The following LRP1B variants were observed in gnomAD, a reference collection of about 807,000 sequenced individuals.
LRP1B encodes low-density lipoprotein receptor-related protein 1B.
Under a neutral mutation model 556.6 loss-of-function variants are expected in LRP1B, and 217 were observed. That is an observed-to-expected ratio of 0.39 (90% CI 0.35 to 0.44). The LOEUF (loss-of-function observed/expected upper bound fraction) is 0.44. Ranked by LOEUF, LRP1B falls within the 20% of genes least tolerant of loss-of-function variation. The pLI is 1.00. For missense variants in LRP1B, 5,053 were observed against 5,620.8 expected, an observed-to-expected ratio of 0.90 and a Z score of 3.23; for synonymous variants, 2,047 against 1,865.8, an observed-to-expected ratio of 1.10 and a Z score of -2.50.
chr2:141,869,405 T>C (rs554057509), intron 1 of LRP1B, among the ~76,000 whole-genome samples: 1 of 152,196 alleles, frequency 6.6e-6, no homozygotes, highest in African/African-American at 2.4e-5. Context: ...TAATATTATA[T>C]ATTCTCAAAG....
chr2:141,145,503 ACTGTTTTT>A (rs1558891077), intron 7 of LRP1B, among the ~76,000 whole-genome samples: 1 of 151,118 alleles, frequency 6.6e-6, no homozygotes, highest in Non-Finnish European at 1.5e-5. Flanking sequence ...GTCATAAAAT[ACTGTTTTT>A]CTAAGTTTTA....
At chr2:141,593,252 A>T (rs889363997) in intron 2 of LRP1B, among the ~76,000 whole-genome samples, 1 of 152,202 alleles carries the variant, frequency 6.6e-6, no homozygotes, top group African/African-American at 2.4e-5. Flanking sequence ...CATGAAAGAT[A>T]AACAGCTTCA....
At chr2:141,915,032 A>C (rs1180323825) in intron 1 of LRP1B, among the ~76,000 whole-genome samples, 2 of 152,172 alleles carry the variant, frequency 1.3e-5, no homozygotes, top group African/African-American at 2.4e-5. Context: ...AAAAGAGACC[A>C]AATAGCCAAA....
At chr2:140,390,358 G>A (rs895071328) in intron 66 of LRP1B, among the ~76,000 whole-genome samples, 6 of 152,032 alleles carry the variant, frequency 3.9e-5, no homozygotes, top group Non-Finnish European at 5.9e-5. Flanking sequence ...ATTTGATGAA[G>A]AAAGGCAAGT....
intron 2 of LRP1B, among the ~76,000 whole-genome samples, chr2:141,524,779 C>T (rs572086649): frequency 6.7e-6 from 1 of 148,524 alleles, no homozygotes; most frequent in East Asian, 2.0e-4. Context: ...GAGAGAGAGA[C>T]AGAGAGAGAA....
rs116278512 is a variant in LRP1B at position 140,782,292 on chromosome 2, C to G, written c.5360-6054G>C. 4.7e-3 allele frequency among the ~76,000 whole-genome samples: 719 copies of G among 152,258 alleles called. 10 individuals are homozygous for G. Among genetic ancestry groups the G allele is most frequent in the African/African-American group, 0.016 (680 of 41,542 alleles). ...TAAGTCCCAGTACTTCAGACTGAGA[C>G]TGTATTTAGAGAAAGAGTCTTTAAA... On this transcript the variant is annotated intron_variant, in intron 32 of 90. Coordinates refer to ENST00000389484, the MANE Select transcript of LRP1B (RefSeq NM_018557.3).
chr2:140,334,006 A>G (rs1680947116), intron 79 of LRP1B, among the ~76,000 whole-genome samples: 1 of 149,912 alleles, frequency 6.7e-6, no homozygotes, highest in South Asian at 2.1e-4. Flanking sequence ...CAAAAAAAAC[A>G]AAACAAAACA....
chr2:141,414,068 T>C (rs1361988168), intron 3 of LRP1B, among the ~76,000 whole-genome samples: 1 of 151,740 alleles, frequency 6.6e-6, no homozygotes, highest in Non-Finnish European at 1.5e-5. Flanking sequence ...AAAACCTGTC[T>C]CTACTAAAAA....
At chr2:141,595,687 A>G (rs1687491392) in intron 2 of LRP1B, among the ~76,000 whole-genome samples, 1 of 152,106 alleles carries the variant, frequency 6.6e-6, no homozygotes, top group Non-Finnish European at 1.5e-5. Flanking sequence ...AGCATCTGCT[A>G]CTTAAGAGCC....
intron 18 of LRP1B, among the ~76,000 whole-genome samples, chr2:140,967,893 A>G (rs1286972357): frequency 6.6e-6 from 1 of 151,654 alleles, no homozygotes. Context: ...GATGAAGCCC[A>G]CTTGATCATG....
At chr2:141,908,343 T>C in intron 1 of LRP1B, among the ~76,000 whole-genome samples, 1 of 152,048 alleles carries the variant, frequency 6.6e-6, no homozygotes, top group Non-Finnish European at 1.5e-5. Context: ...CTTTGTTAAA[T>C]AATTAAACCC....
At chr2:141,158,569 C>T (rs1702124507) in intron 7 of LRP1B, among the ~76,000 whole-genome samples, 1 of 152,064 alleles carries the variant, frequency 6.6e-6, no homozygotes, top group South Asian at 2.1e-4. Context: ...TCTTGAGACA[C>T]TAAGATATCA....
At chr2:140,756,742 A>G (rs1688753014) in intron 35 of LRP1B, among the ~76,000 whole-genome samples, 1 of 152,182 alleles carries the variant, frequency 6.6e-6, no homozygotes, top group African/African-American at 2.4e-5. Flanking sequence ...ATTAAATGTT[A>G]GTATCTTTGG....
intron 3 of LRP1B, among the ~76,000 whole-genome samples, chr2:141,450,829 T>A (rs1169107410): frequency 1.3e-5 from 2 of 152,098 alleles, no homozygotes; most frequent in East Asian, 3.9e-4. Flanking sequence ...TACAATATAT[T>A]TATTAACTCT....
intron 43 of LRP1B, among the ~76,000 whole-genome samples, chr2:140,573,279 A>G (rs151184031): frequency 0.01 from 1,578 of 152,040 alleles, 18 homozygotes; most frequent in African/African-American, 0.024. Flanking sequence ...GTCAATTAAA[A>G]TATTAATAAA....
intron 71 of LRP1B, 117 bp from the exon 72 acceptor site, chr2:140,364,900 ATTATAT>A: frequency 2.7e-6 from 2 of 741,818 alleles, no homozygotes; most frequent in South Asian, 5.1e-5. Flanking sequence ...CCATATATGT[ATTATAT>A]TTATTTCAAG....
At chr2:141,526,679 T>A (rs747666603) in intron 2 of LRP1B, among the ~76,000 whole-genome samples, 1 of 152,054 alleles carries the variant, frequency 6.6e-6, no homozygotes, top group South Asian at 2.1e-4. Context: ...AGCATAAACC[T>A]ACTAGGAGTA....
rs1553469697 is a variant in LRP1B, at chr2:140,465,728, A to AAAAGAAAAAG, written c.9626-8078_9626-8077insCTTTTTCTTT. Reference sequence around the variant, plus strand: ...GGCACTCATGACATTTGCAAAAAAAAAAAAAAGAAAAAAACTCCCTAAACA... The same window carrying AAAAGAAAAAG: ...GGCACTCATGACATTTGCAAAAAAAAAAAGAAAAAGAAAAAAGAAAAAAACTCCCTAAACA... On this transcript the variant is annotated intron_variant, in intron 60 of 90. Coordinates refer to ENST00000389484, the MANE Select transcript of LRP1B (RefSeq NM_018557.3). 3.7e-3 allele frequency among the ~76,000 whole-genome samples: 558 copies of AAAAGAAAAAG among 151,622 alleles called. 6 individuals carry two copies. The highest frequency in any genetic ancestry group is 0.013 in the African/African-American group (519 of 41,054).
intron 2 of LRP1B, among the ~76,000 whole-genome samples, chr2:141,627,023 C>T (rs1276805912): frequency 6.6e-6 from 1 of 152,204 alleles, no homozygotes; most frequent in African/African-American, 2.4e-5. Flanking sequence ...TTATTTACAA[C>T]TGCCAAAATA....
Sources: allele counts gnomAD v4.1 joint callset (sites outside exome capture counted in the v4.1 genomes callset), GRCh38; gene constraint gnomAD v4.1.1; transcripts MANE v1.5; gene names NCBI Gene and HGNC (gene_info 2026-07-23, HGNC 2026-07-21).